The following SARNP variants were observed in gnomAD, a reference collection of about 807,000 sequenced individuals.
The protein encoded by SARNP is SAP domain containing ribonucleoprotein.
A neutral mutation model predicts 38.1 loss-of-function variants in SARNP; 5 were observed. That is an observed-to-expected ratio of 0.13 (90% CI 0.07 to 0.28). The LOEUF is 0.28. Ranked by LOEUF, SARNP falls within the 10% of genes least tolerant of loss-of-function variation. The pLI is 1.00. For synonymous variants in SARNP, 84 were observed against 80.6 expected, an observed-to-expected ratio of 1.04 and a Z score of -0.23; for missense variants, 180 against 243.9, an observed-to-expected ratio of 0.74 and a Z score of 1.75.
At chr12:55,787,255 A>AAAAAAAAG in intron 9 of SARNP, among the ~76,000 whole-genome samples, 1 of 152,088 alleles carries the variant, frequency 6.6e-6, no homozygotes, top group African/African-American at 2.4e-5. Context: ...AAAAAAAAAA[A>AAAAAAAAG]AAGTTAACGT....
chr12:55,808,785 G>A (rs1364998994), intron 1 of SARNP, among the ~76,000 whole-genome samples: 1 of 151,500 alleles, frequency 6.6e-6, no homozygotes, highest in Non-Finnish European at 1.5e-5. Context: ...ATGAGAAACA[G>A]ATGAATAAAA....
intron 1 of SARNP, among the ~76,000 whole-genome samples, 171 bp downstream of exon 1, chr12:55,817,495 G>C (rs981079759): frequency 6.6e-6 from 1 of 152,262 alleles, no homozygotes; most frequent in African/African-American, 2.4e-5. Flanking sequence ...GAGGAGAAAT[G>C]GGAAATTAGG....
At chr12:55,767,314 G>A (rs532533102) in intron 9 of SARNP, among the ~76,000 whole-genome samples, 17 of 152,130 alleles carry the variant, frequency 1.1e-4, no homozygotes, top group Admixed American at 4.6e-4. Context: ...GGGAGGCTGA[G>A]GTGGGAGGAT....
chr12:55,807,597 T>C (rs1880188468), intron 1 of SARNP, among the ~76,000 whole-genome samples: 1 of 143,534 alleles, frequency 7.0e-6, no homozygotes, highest in Non-Finnish European at 1.5e-5. Context: ...GGTCAGGAGA[T>C]AGAGACCATC....
intron 1 of SARNP, among the ~76,000 whole-genome samples, chr12:55,816,747 T>C (rs866719503): frequency 6.6e-5 from 10 of 152,230 alleles, no homozygotes; most frequent in African/African-American, 2.4e-4. Context: ...TAAAAGAAAA[T>C]ACTTTTTAAA....
chr12:55,762,190 G>A (rs1878696780), intron 9 of SARNP, among the ~76,000 whole-genome samples: 1 of 152,172 alleles, frequency 6.6e-6, no homozygotes, highest in African/African-American at 2.4e-5. Flanking sequence ...GGGAGGCTGA[G>A]GCAGGAAAAT....
chr12:55,764,375 T>C (rs1320580023), intron 9 of SARNP, among the ~76,000 whole-genome samples: 3 of 151,612 alleles, frequency 2.0e-5, no homozygotes, highest in African/African-American at 7.3e-5. Context: ...CTACTAAAAA[T>C]ACAAAATTAG....
chr12:55,807,763 G>A (rs1050519666), intron 1 of SARNP, among the ~76,000 whole-genome samples: 26 of 150,024 alleles, frequency 1.7e-4, no homozygotes, highest in Non-Finnish European at 3.1e-4. Context: ...GCAGTGAGCC[G>A]AGATCGTGCC....
At chr12:55,792,507 AAT>A in intron 7 of SARNP, 1 of 150,278 alleles carries the variant, frequency 6.7e-6, no homozygotes, top group South Asian at 2.1e-4. Context: ...AAATAGCTGG[AAT>A]TACAGGCGCG....
chr12:55,780,023 C>G (rs1879294916), intron 9 of SARNP, among the ~76,000 whole-genome samples: 1 of 152,146 alleles, frequency 6.6e-6, no homozygotes, highest in African/African-American at 2.4e-5. Context: ...TGGTCTGTGC[C>G]TGTAGTCCCA....
In SARNP at chr12:55,788,452, T is replaced by C. The variant is rs556401464; in HGVS notation, c.501+623A>G. On this transcript the variant is annotated intron_variant, in intron 9 of 10. Transcript: ENST00000336133. ...TGCCTATTATCAAAGTTAAAGTAGA[T>C]GTAATAAGTTTTAACATCACTGAAT... Among the ~76,000 whole-genome samples the C allele has an allele frequency of 2.2e-3, 337 of 152,282 alleles. 5 individuals are homozygous for C. Among genetic ancestry groups the C allele is most frequent in the Non-Finnish European group, 3.5e-4 (24 of 68,020 alleles).
chr12:55,760,743 T>C, intron 9 of SARNP, 103 bp from the exon 10 acceptor site: 1 of 755,204 alleles, frequency 1.3e-6, no homozygotes, highest in African/African-American at 1.7e-5. Context: ...TAACCAACCC[T>C]GTGCCAAGAA....
Position 55,757,537 on chromosome 12 carries a change from C to A in SARNP, c.608G>T (p.Arg203Ile). The A allele has an allele frequency of 6.2e-7, 1 of 1,609,510 alleles. No homozygotes were observed. Among genetic ancestry groups the A allele is most frequent in the Non-Finnish European group, 8.5e-7 (1 of 1,178,870 alleles). The change falls in exon 11 of 11, where the codon AGA (arginine) becomes ATA (isoleucine). Residue 203 changes from arginine (R) to isoleucine (I), a missense_variant. Transcript: ENST00000336133. The part of the protein sequence containing the change: ...TEDTEAKKRK[R>I]AERFGIA Reference sequence around the variant, plus strand: ...TCAGGCAATCCCAAAGCGCTCTGCTCTTTTCCTCTTCTTTGCCTGTAAAGA... The same window carrying A: ...TCAGGCAATCCCAAAGCGCTCTGCTATTTTCCTCTTCTTTGCCTGTAAAGA...
downstream of SARNP, chr12:55,754,370 A>G (rs187086222): frequency 1.3e-5 from 2 of 152,318 alleles, no homozygotes; most frequent in African/African-American, 4.8e-5. Flanking sequence ...GACCTTGCCT[A>G]TATTTTAAAT....
intron 4 of SARNP, among the ~76,000 whole-genome samples, chr12:55,797,839 T>C (rs1879863768): frequency 6.6e-6 from 1 of 152,248 alleles, no homozygotes; most frequent in Admixed American, 6.5e-5. Context: ...AGAATCTTTT[T>C]GTACATACTT....
At chr12:55,797,719 G>A (rs1879860693) in intron 4 of SARNP, among the ~76,000 whole-genome samples, 2 of 152,070 alleles carry the variant, frequency 1.3e-5, no homozygotes, top group Admixed American at 6.5e-5. Context: ...AAACTCAAGC[G>A]CAATAAATAA....
At chr12:55,816,720 G>A (rs1435207871) in intron 1 of SARNP, among the ~76,000 whole-genome samples, 2 of 152,120 alleles carry the variant, frequency 1.3e-5, no homozygotes, top group African/African-American at 4.8e-5. Context: ...AATTACTCAA[G>A]ATATCTTAAT....
intron 9 of SARNP, among the ~76,000 whole-genome samples, chr12:55,784,769 CA>C (rs1200843990): frequency 1.3e-5 from 2 of 152,076 alleles, no homozygotes; most frequent in Admixed American, 6.5e-5. Flanking sequence ...CTGGTGTAGA[CA>C]GCAAAACATC....
intron 9 of SARNP, among the ~76,000 whole-genome samples, chr12:55,766,567 CTA>C (rs1878835095): frequency 1.5e-5 from 2 of 129,630 alleles, no homozygotes; most frequent in African/African-American, 6.0e-5. Flanking sequence ...GAGAGAGTAC[CTA>C]TATAAGAACA....
Sources: allele counts gnomAD v4.1 joint callset (sites outside exome capture counted in the v4.1 genomes callset), GRCh38; gene constraint gnomAD v4.1.1; transcripts MANE v1.5; gene names NCBI Gene and HGNC (gene_info 2026-07-23, HGNC 2026-07-21).